Variants in ERBB4 observed in about 807,000 individuals in gnomAD.
The protein encoded by ERBB4 is receptor tyrosine-protein kinase erbB-4.
ERBB4 carries 42 observed loss-of-function variants against 158.0 expected under a neutral mutation model. That is an observed-to-expected ratio of 0.27 (90% CI 0.21 to 0.34). The LOEUF (loss-of-function observed/expected upper bound fraction) is 0.34, where lower values mean the gene tolerates loss of function less well. ERBB4 is among the 10% of genes least tolerant of loss of function. The pLI is 1.00. For synonymous variants in ERBB4, 583 were observed against 558.7 expected, an observed-to-expected ratio of 1.04 and a Z score of -0.61; for missense variants, 1,333 against 1,624.1, an observed-to-expected ratio of 0.82 and a Z score of 3.08.
chr2:211,503,406 T>G (rs1321502374), intron 20 of ERBB4, among the ~76,000 whole-genome samples: 1 of 152,010 alleles, frequency 6.6e-6, no homozygotes, highest in African/African-American at 2.4e-5. Flanking sequence ...GAACCACATG[T>G]CCCCAGGCCC....
intron 1 of ERBB4, among the ~76,000 whole-genome samples, chr2:212,516,154 G>A (rs979202757): frequency 3.3e-5 from 5 of 151,812 alleles, no homozygotes; most frequent in African/African-American, 1.2e-4. Flanking sequence ...ATACACTCAT[G>A]TGCACATCAA....
At chr2:212,416,649 C>T (rs1028905339) in intron 1 of ERBB4, among the ~76,000 whole-genome samples, 10 of 151,980 alleles carry the variant, frequency 6.6e-5, no homozygotes, top group African/African-American at 2.4e-4. Flanking sequence ...TCATGAAACA[C>T]CAAGTTCAAC....
chr2:212,040,992 C>G (rs1388336541), intron 2 of ERBB4, among the ~76,000 whole-genome samples: 1 of 152,078 alleles, frequency 6.6e-6, no homozygotes, highest in African/African-American at 2.4e-5. Context: ...GCTCCTAAAT[C>G]TACAACCAGG....
At chr2:212,115,900 T>A (rs1223600531) in intron 2 of ERBB4, among the ~76,000 whole-genome samples, 1 of 152,174 alleles carries the variant, frequency 6.6e-6, no homozygotes, top group Non-Finnish European at 1.5e-5. Flanking sequence ...CCCAGAGGTA[T>A]AAAGAAACAC....
intron 7 of ERBB4, among the ~76,000 whole-genome samples, chr2:211,718,360 T>A (rs1340027921): frequency 6.6e-6 from 1 of 152,222 alleles, no homozygotes; most frequent in Non-Finnish European, 1.5e-5. Context: ...TGAGTATCCC[T>A]TATCCAAAAT....
intron 1 of ERBB4, among the ~76,000 whole-genome samples, chr2:212,433,022 T>G (rs2092063561): frequency 1.3e-5 from 2 of 152,056 alleles, no homozygotes; most frequent in African/African-American, 4.8e-5. Context: ...AAGGGTTATA[T>G]GTACCCCTTC....
At chr2:211,396,601 G>A (rs1264266529) in intron 25 of ERBB4, among the ~76,000 whole-genome samples, 2 of 152,160 alleles carry the variant, frequency 1.3e-5, no homozygotes, top group African/African-American at 4.8e-5. Flanking sequence ...CGCACGGTTT[G>A]TGTATTGGAG....
chr2:211,750,802 G>A (rs2075109938), intron 4 of ERBB4, 98 bp from the exon 5 acceptor site: 1 of 1,050,402 alleles, frequency 9.5e-7, no homozygotes, highest in Non-Finnish European at 1.5e-6. Flanking sequence ...GCTCCTTTAT[G>A]AGGATTTTTA....
intron 20 of ERBB4, among the ~76,000 whole-genome samples, chr2:211,460,222 G>A (rs905857539): frequency 2.0e-5 from 3 of 151,926 alleles, no homozygotes; most frequent in Admixed American, 6.6e-5. Context: ...TGCCTTCTTC[G>A]TCTGTATGTC....
chr2:211,411,950 ATTT>A (rs2063271239), intron 25 of ERBB4, among the ~76,000 whole-genome samples: 1 of 152,140 alleles, frequency 6.6e-6, no homozygotes, highest in Non-Finnish European at 1.5e-5. Context: ...AATTGAGCCT[ATTT>A]TCCAAAAAAT....
chr2:211,512,259 A>G (rs1449662045), intron 20 of ERBB4, among the ~76,000 whole-genome samples: 1 of 152,102 alleles, frequency 6.6e-6, no homozygotes, highest in African/African-American at 2.4e-5. Context: ...CACCTGTTCC[A>G]CTTGTAAGAC....
At chr2:211,582,270 G>T (rs556911446) in intron 19 of ERBB4, among the ~76,000 whole-genome samples, 75 of 152,206 alleles carry the variant, frequency 4.9e-4, no homozygotes, top group African/African-American at 1.8e-3. Flanking sequence ...AATTGTTATT[G>T]CTTTGTTTTT....
chr2:211,943,153 C>A (rs1481530051), intron 3 of ERBB4, among the ~76,000 whole-genome samples: 3 of 151,866 alleles, frequency 2.0e-5, no homozygotes, highest in African/African-American at 7.3e-5. Flanking sequence ...ACATTACCAA[C>A]CATTAGTAAC....
Position 211,465,599 on chromosome 2 carries a change from C to T in ERBB4, c.2488-34499G>A, listed in dbSNP as rs181527391. 2.6e-5 allele frequency among the ~76,000 whole-genome samples: 4 copies of T among 152,178 alleles called. No homozygotes were observed. The East Asian group carries it at 5.8e-4, about 22-fold the overall frequency. On this transcript the variant is annotated intron_variant, in intron 20 of 27. Coordinates refer to ENST00000342788, the MANE Select transcript of ERBB4 (RefSeq NM_005235.3). ...TAAATGACAGTTAGTACATAAGATA[C>T]TGCTTATGCCTATGAAAAAAAGGGC...
intron 1 of ERBB4, among the ~76,000 whole-genome samples, chr2:212,393,450 T>C (rs941051107): frequency 5.3e-5 from 8 of 152,034 alleles, no homozygotes; most frequent in Admixed American, 3.9e-4. Flanking sequence ...AATAATAACA[T>C]ATGAAATAAT....
At chr2:211,515,912 A>ATATATATATATATATATAT (rs35696520) in intron 20 of ERBB4, among the ~76,000 whole-genome samples, 13 of 78,978 alleles carry the variant, frequency 1.6e-4, no homozygotes, top group Non-Finnish European at 2.9e-4. Flanking sequence ...ATATATATAT[A>ATATATATATATATATATAT]TTTTTTTTTT....
At chr2:211,967,854 A>G (rs926156323) in intron 2 of ERBB4, among the ~76,000 whole-genome samples, 15 of 151,928 alleles carry the variant, frequency 9.9e-5, no homozygotes, top group African/African-American at 3.1e-4. Context: ...ATATTATTTT[A>G]TATCCTTTTT....
At chr2:211,529,145 A>G (rs1043270247) in intron 20 of ERBB4, among the ~76,000 whole-genome samples, 1 of 151,860 alleles carries the variant, frequency 6.6e-6, no homozygotes, top group African/African-American at 2.4e-5. Flanking sequence ...CAAATTAAAA[A>G]AAAAAAATTA....
At chr2:211,969,823 A>C (rs1023313286) in intron 2 of ERBB4, among the ~76,000 whole-genome samples, 2 of 151,320 alleles carry the variant, frequency 1.3e-5, no homozygotes, top group Non-Finnish European at 3.0e-5. Context: ...CTATTTATTA[A>C]TTTTTTTCAA....
Sources: allele counts gnomAD v4.1 joint callset (sites outside exome capture counted in the v4.1 genomes callset), GRCh38; gene constraint gnomAD v4.1.1; transcripts MANE v1.5; gene names NCBI Gene and HGNC (gene_info 2026-07-23, HGNC 2026-07-21).